The following RAB27B variants were observed in gnomAD, a reference collection of about 807,000 sequenced individuals.
The protein encoded by RAB27B is ras-related protein Rab-27B.
A neutral mutation model predicts 24.6 loss-of-function variants in RAB27B; 15 were observed. The observed-to-expected ratio is 0.61, with a 90% CI of 0.41 to 0.94. The LOEUF (loss-of-function observed/expected upper bound fraction) is 0.94, where lower values mean the gene tolerates loss of function less well. RAB27B is among the 40% of genes least tolerant of loss of function. RAB27B has a pLI of 0.00. For missense variants in RAB27B, 261 were observed against 266.8 expected, an observed-to-expected ratio of 0.98 and a Z score of 0.15; for synonymous variants, 105 against 92.5, an observed-to-expected ratio of 1.14 and a Z score of -0.78.
chr18:54,729,251 G>A (rs548273853), intron 2 of RAB27B, among the ~76,000 whole-genome samples: 2 of 152,096 alleles, frequency 1.3e-5, no homozygotes, highest in South Asian at 4.2e-4. Flanking sequence ...AAATACAAGG[G>A]GCCTAGAATG....
intron 1 of RAB27B, among the ~76,000 whole-genome samples, chr18:54,848,081 C>T (rs62091477): frequency 3.3e-5 from 5 of 152,146 alleles, no homozygotes; most frequent in East Asian, 1.9e-4. Flanking sequence ...ATTTGAACAA[C>T]GATTTGAACA....
intron 2 of RAB27B, among the ~76,000 whole-genome samples, chr18:54,726,513 A>C (rs7229280): frequency 6.6e-6 from 1 of 151,312 alleles, no homozygotes; most frequent in African/African-American, 2.4e-5. Flanking sequence ...GTTCGCTAAC[A>C]TTCAGCAGAG....
intron 1 of RAB27B, among the ~76,000 whole-genome samples, chr18:54,858,407 CG>C (rs1911873989): frequency 7.6e-6 from 1 of 130,870 alleles, no homozygotes; most frequent in African/African-American, 3.0e-5. Context: ...TTTTTTGAGA[CG>C]GAGTCTCGCT....
chr18:54,885,576 C>T (rs1221051127), intron 4 of RAB27B, among the ~76,000 whole-genome samples: 1 of 152,116 alleles, frequency 6.6e-6, no homozygotes, highest in Non-Finnish European at 1.5e-5. Flanking sequence ...AAGTTCTGGC[C>T]AAACTTTATT....
intron 4 of RAB27B, among the ~76,000 whole-genome samples, chr18:54,886,210 C>T (rs756594162): frequency 6.6e-6 from 1 of 152,148 alleles, no homozygotes; most frequent in African/African-American, 2.4e-5. Flanking sequence ...CCTCAACACG[C>T]TTTAGAGTTC....
intron 4 of RAB27B, among the ~76,000 whole-genome samples, chr18:54,884,997 C>A (rs2145287597): frequency 6.6e-6 from 1 of 152,144 alleles, no homozygotes; most frequent in East Asian, 1.9e-4. Context: ...TGTGAGGAAA[C>A]CATGTAAAGA....
chr18:54,846,724 G>C (rs573786862), intron 1 of RAB27B, among the ~76,000 whole-genome samples: 1 of 152,194 alleles, frequency 6.6e-6, no homozygotes, highest in Non-Finnish European at 1.5e-5. Flanking sequence ...ATTTTTGGGA[G>C]AGACACATTT....
At chr18:54,734,795 T>A (rs1909840706) in intron 2 of RAB27B, among the ~76,000 whole-genome samples, 1 of 152,188 alleles carries the variant, frequency 6.6e-6, no homozygotes, top group South Asian at 2.1e-4. Flanking sequence ...ATTTCTAGCA[T>A]CTCTCGTTTT....
intron 2 of RAB27B, among the ~76,000 whole-genome samples, chr18:54,766,724 A>G (rs559492580): frequency 1.3e-5 from 2 of 152,198 alleles, no homozygotes; most frequent in South Asian, 2.1e-4. Flanking sequence ...TGACTGGTTG[A>G]TGTTGCATAC....
chr18:54,825,465 A>G (rs1334662742), upstream of RAB27B, among the ~76,000 whole-genome samples: 2 of 142,322 alleles, frequency 1.4e-5, no homozygotes, highest in Admixed American at 7.2e-5. Context: ...TGAGATTTCC[A>G]TTAGTCAGAA....
chr18:54,738,272 C>G (rs1036322918), intron 2 of RAB27B, among the ~76,000 whole-genome samples: 1 of 152,170 alleles, frequency 6.6e-6, no homozygotes, highest in African/African-American at 2.4e-5. Context: ...ATTTGTTGAT[C>G]ACCCATTGAT....
At chr18:54,838,032 A>G (rs1454539616) in intron 1 of RAB27B, among the ~76,000 whole-genome samples, 2 of 152,184 alleles carry the variant, frequency 1.3e-5, no homozygotes, top group Admixed American at 6.6e-5. Context: ...ATTCTGGCTC[A>G]TTAATATCAT....
intron 1 of RAB27B, among the ~76,000 whole-genome samples, chr18:54,859,315 G>A (rs8087871): frequency 6.6e-6 from 1 of 152,172 alleles, no homozygotes; most frequent in Admixed American, 6.5e-5. Context: ...GTGAATATGA[G>A]TAGTCAACAG....
chr18:54,892,303 A>G lies in RAB27B; in HGVS notation c.*2890A>G, dbSNP rs1913399860. 6.6e-6 allele frequency: 1 copy of G among 152,006 alleles called. No homozygotes were observed. The highest frequency in any genetic ancestry group is 6.6e-5 in the Admixed American group (1 of 15,226). 9.4% of individuals were successfully genotyped at this position (152,006 alleles called of 1,614,324 possible). ...GTGCCTCAGATACCTCTGTGACCAA[A>G]TTTGTCTCCAACCACATAGCTCATT... On this transcript the variant is annotated 3_prime_UTR_variant, in exon 6 of 6. Coordinates refer to ENST00000262094, the MANE Select transcript of RAB27B (RefSeq NM_004163.4).
intron 2 of RAB27B, among the ~76,000 whole-genome samples, chr18:54,741,608 C>G (rs1910073588): frequency 6.6e-6 from 1 of 152,134 alleles, no homozygotes; most frequent in Non-Finnish European, 1.5e-5. Flanking sequence ...ATCCTCCCAC[C>G]CCAGCCTCCC....
At chr18:54,741,826 T>G (rs1910082340) in intron 2 of RAB27B, among the ~76,000 whole-genome samples, 1 of 152,146 alleles carries the variant, frequency 6.6e-6, no homozygotes, top group African/African-American at 2.4e-5. Context: ...AAGTAAAAAG[T>G]GACCTACCTC....
Position 54,733,660 on chromosome 18 carries a change from C to CCA in RAB27B, c.-20+15520_-20+15521insAC, listed in dbSNP as rs536292934. On this transcript the variant is annotated intron_variant, in intron 2 of 4. Coordinates refer to the RAB27B transcript ENST00000586570. Reference sequence around the variant, plus strand: ...ATCTTCTGTTCTAGAGCCCCCCCCCCCCAAATTTGCTAAGCTCCTTGGCCT... The same window carrying CCA: ...ATCTTCTGTTCTAGAGCCCCCCCCCCCACCAAATTTGCTAAGCTCCTTGGCCT... Among the ~76,000 whole-genome samples the CCA allele has an allele frequency of 6.5e-5, 9 of 139,288 alleles. 1 individual carries two copies. Among genetic ancestry groups the CCA allele is most frequent in the African/African-American group, 2.3e-4 (9 of 38,644 alleles). 91.4% of individuals were successfully genotyped at this position (139,288 alleles called of 152,430 possible).
chr18:54,841,469 A>G (rs1053173135), intron 1 of RAB27B, among the ~76,000 whole-genome samples: 1 of 152,182 alleles, frequency 6.6e-6, no homozygotes, highest in Non-Finnish European at 1.5e-5. Flanking sequence ...TTTAGTATCC[A>G]CCGAGGGTCC....
chr18:54,885,194 C>A (rs1913082689), intron 4 of RAB27B, among the ~76,000 whole-genome samples: 1 of 152,060 alleles, frequency 6.6e-6, no homozygotes, highest in Admixed American at 6.6e-5. Context: ...GAATTTTGAT[C>A]CTAGCAGGAT....
Sources: gnomAD v4.1 joint callset for allele counts (sites outside exome capture counted in the v4.1 genomes callset) on GRCh38, gnomAD v4.1.1 for gene constraint, MANE v1.5 for transcripts, NCBI Gene and HGNC (gene_info 2026-07-23, HGNC 2026-07-21) for gene names.